Variants in RMP64 observed in about 807,000 individuals in gnomAD.
RMP64 encodes the protein ribonuclease MRP subunit p64, also known as nucleolus and neural progenitor protein.
At chr3:113,008,164 T>C in the RMP64 span, 2 of 1,611,664 alleles carry the variant, frequency 1.2e-6, no homozygotes, top group South Asian at 1.1e-5. Flanking sequence ...TTTTGCAATA[T>C]ACCTACCTAG....
the RMP64 span, chr3:113,010,843 A>G: frequency 4.1e-5 from 35 of 847,104 alleles, no homozygotes; most frequent in Non-Finnish European, 6.2e-5. Context: ...CTAGGAAGCA[A>G]CTACAGAAAC....
chr3:113,008,468 G>C, the RMP64 span: 5 of 1,545,640 alleles, frequency 3.2e-6, no homozygotes, highest in Non-Finnish European at 4.4e-6. Flanking sequence ...TATTGGACAT[G>C]TTACTGACTT....
chr3:113,014,154 A>C, the RMP64 span: 13 of 641,140 alleles, frequency 2.0e-5, no homozygotes, highest in African/African-American at 2.2e-4. Flanking sequence ...ATATCACAGA[A>C]TACCTTATTT....
chr3:113,005,909 C>T, the RMP64 span: 5 of 1,613,784 alleles, frequency 3.1e-6, no homozygotes, highest in East Asian at 8.9e-5. Context: ...CTGTGATCTT[C>T]TCTGTCTCAG....
chr3:113,011,645 T>A, the RMP64 span: 24 of 328,922 alleles, frequency 7.3e-5, no homozygotes, highest in African/African-American at 2.1e-4. Context: ...ATATATATAT[T>A]CAAAAAGTAC....
the RMP64 span, chr3:113,012,708 GA>G: frequency 7.8e-7 from 1 of 1,280,790 alleles, no homozygotes; most frequent in Non-Finnish European, 1.1e-6. Flanking sequence ...AGAAAGAAAT[GA>G]AGGATGTCAG....
At chr3:113,008,578 C>T in the RMP64 span, 26,319 of 652,120 alleles carry the variant, frequency 0.04, 752 homozygotes, top group African/African-American at 0.11. Flanking sequence ...CCCATTTACC[C>T]TGTGGTTATT....
the RMP64 span, chr3:113,008,115 T>C: frequency 6.6e-7 from 1 of 1,521,756 alleles, no homozygotes; most frequent in Non-Finnish European, 9.1e-7. Flanking sequence ...CTGAATACTT[T>C]TACTCATAAC....
chr3:113,008,337 A>T, the RMP64 span: 1,165,691 of 1,612,980 alleles, frequency 0.72, 434,956 homozygotes, highest in Non-Finnish European at 0.77. Context: ...CTTTGCACAA[A>T]ACTTTTGGCA....
chr3:113,012,664 A>G, the RMP64 span: 12,691 of 876,380 alleles, frequency 0.014, 121 homozygotes, highest in Middle Eastern at 0.023. Context: ...AAGTTTGAAA[A>G]CTACTAATAA....
chr3:113,007,457 T>C, the RMP64 span, among the ~76,000 whole-genome samples: 1 of 152,296 alleles, frequency 6.6e-6, no homozygotes, highest in East Asian at 1.9e-4. Context: ...CACAGGATAT[T>C]TGTTAAAGAA....
chr3:113,008,875 A>T, the RMP64 span: 1 of 157,492 alleles, frequency 6.3e-6, no homozygotes, highest in African/African-American at 2.4e-5. Context: ...CACAATAAAA[A>T]AACCCCACAT....
chr3:113,019,245 G>A, the RMP64 span: 35 of 440,894 alleles, frequency 7.9e-5, no homozygotes, highest in East Asian at 1.5e-3. Flanking sequence ...CTGTTCCCCG[G>A]CACCAGCTGA....
At chr3:113,009,082 A>C in the RMP64 span, among the ~76,000 whole-genome samples, 1 of 152,202 alleles carries the variant, frequency 6.6e-6, no homozygotes, top group Admixed American at 6.5e-5. Flanking sequence ...TAAGCCCATT[A>C]ATCAGTTAAT....
the RMP64 span, chr3:113,012,923 TA>T: frequency 1.4e-6 from 1 of 714,874 alleles, no homozygotes; most frequent in African/African-American, 1.8e-5. Context: ...TTAAAGGTAT[TA>T]AAGCCTTAAA....
At chr3:113,015,859 T>TAAAAAAAAAAAAAAAAAAAAAAAAAAA in the RMP64 span, among the ~76,000 whole-genome samples, 1 of 107,558 alleles carries the variant, frequency 9.3e-6, no homozygotes, top group Non-Finnish European at 2.0e-5. Context: ...GCCAAGAATT[T>TAAAAAAAAAAAAAAAAAAAAAAAAAAA]AAAAAAAAAA....
chr3:113,011,337 C>A, the RMP64 span: 1 of 1,611,950 alleles, frequency 6.2e-7, no homozygotes, highest in Non-Finnish European at 8.5e-7. Context: ...TCCTAGCGAC[C>A]TCTTGAAGCA....
chr3:113,013,492 T>C, the RMP64 span: 1 of 1,172,762 alleles, frequency 8.5e-7, no homozygotes, highest in East Asian at 2.5e-5. Context: ...TACCAGTTTA[T>C]TATAAAGGAT....
the RMP64 span, chr3:113,013,969 C>T: frequency 1.9e-6 from 3 of 1,613,166 alleles, no homozygotes; most frequent in East Asian, 2.2e-5. Flanking sequence ...GAAAACAACT[C>T]AAACAGGTCT....
Sources: gnomAD v4.1 joint callset for allele counts (sites outside exome capture counted in the v4.1 genomes callset) on GRCh38, gnomAD v4.1.1 for gene constraint, MANE v1.5 for transcripts, NCBI Gene and HGNC (gene_info 2026-07-23, HGNC 2026-07-21) for gene names.